Variants in FSD1 observed in about 807,000 individuals in gnomAD.
FSD1 encodes fibronectin type III and SPRY domain-containing protein 1.
FSD1 carries 23 observed loss-of-function variants against 58.2 expected under a neutral mutation model. The ratio of observed to expected loss-of-function variants is 0.40; its 90% CI spans 0.28 to 0.56. FSD1 has a LOEUF of 0.56. Among genes scored for constraint, FSD1 ranks in the 20% least tolerant of loss-of-function variants. FSD1 has a pLI of 0.54. For missense variants in FSD1, 563 were observed against 670.8 expected, an observed-to-expected ratio of 0.84 and a Z score of 1.78; for synonymous variants, 265 against 263.4, an observed-to-expected ratio of 1.01 and a Z score of -0.06.
At chr19:4,320,211 T>TG (rs1971798951) in intron 10 of FSD1, among the ~76,000 whole-genome samples, 2 of 151,798 alleles carry the variant, frequency 1.3e-5, no homozygotes, top group Admixed American at 6.6e-5. Flanking sequence ...CACGTGGAGT[T>TG]GGGGTCTGGA....
intron 10 of FSD1, among the ~76,000 whole-genome samples, chr19:4,319,926 A>C (rs1008068886): frequency 2.0e-5 from 3 of 152,128 alleles, no homozygotes; most frequent in Admixed American, 6.6e-5. Flanking sequence ...GCTGAAGCTC[A>C]TGGAATAGCT....
At chr19:4,322,864 G>T (rs1971716689) in intron 10 of FSD1, 122 bp from the exon 11 acceptor site, 2 of 1,211,180 alleles carry the variant, frequency 1.7e-6, no homozygotes, top group African/African-American at 1.5e-5. Context: ...AACCTGGGGA[G>T]TGTCTCTGCA....
intron 10 of FSD1, among the ~76,000 whole-genome samples, chr19:4,322,632 G>T (rs952229197): frequency 6.6e-6 from 1 of 151,126 alleles, no homozygotes; most frequent in Non-Finnish European, 1.5e-5. Flanking sequence ...GGGAATAGCT[G>T]GGGCCCAAGG....
In FSD1 at chr19:4,318,512, T is replaced by A; in HGVS notation, c.959+7T>A. ...CCATCAACTCCCCAGCCAGGTAGCC[T>A]GCCCCCTCCCCTCCCTAAGTCTCTG... On this transcript the variant is annotated splice_region_variant and intron_variant, in intron 9 of 12. Transcript: ENST00000221856. 6.3e-7 allele frequency: 1 copy of A among 1,589,458 alleles called. No homozygotes were observed.
chr19:4,321,979 C>T (rs372013881), intron 10 of FSD1, among the ~76,000 whole-genome samples: 18 of 137,074 alleles, frequency 1.3e-4, no homozygotes, highest in African/African-American at 4.2e-4. Context: ...GCTGGGATCC[C>T]GAGGAGTATC....
chr19:4,307,834 G>T (rs1229752076), intron 3 of FSD1, 48 bp from the exon 4 acceptor site: 1 of 1,462,176 alleles, frequency 6.8e-7, no homozygotes, highest in Middle Eastern at 1.8e-4. Flanking sequence ...CAGGGGGCCT[G>T]AGGCAGTGGG....
At chr19:4,315,265 A>G (rs139964821) in intron 7 of FSD1, among the ~76,000 whole-genome samples, 450 of 149,442 alleles carry the variant, frequency 3.0e-3, no homozygotes, top group African/African-American at 0.011. Context: ...AGCTTGGACT[A>G]CAGGCACTAT....
At chr19:4,314,565 C>T (rs1971732498) in intron 7 of FSD1, among the ~76,000 whole-genome samples, 1 of 151,706 alleles carries the variant, frequency 6.6e-6, no homozygotes, top group East Asian at 1.9e-4. Context: ...CGGCTCACCG[C>T]AACCTCCGCC....
intron 4 of FSD1, among the ~76,000 whole-genome samples, chr19:4,309,038 G>A (rs1236229867): frequency 6.6e-6 from 1 of 152,156 alleles, no homozygotes; most frequent in Non-Finnish European, 1.5e-5. Context: ...TCGCACCACT[G>A]CACTCCAGCC....
Position 4,310,584 on chromosome 19 carries a change from A to C in FSD1, c.478A>C (p.Lys160Gln), listed in dbSNP as rs1240970655. ...AGAGCGGCAGATGCTACAGGCACTC[A>C]AGTTCCTGCCTGGTGAGAGGGGCAC... is the stretch of plus-strand genomic sequence containing the variant. ...AQERQMLQAL[K>Q]FLPVPSAPVI... Residue 160 changes from lysine to glutamine, a missense_variant, in exon 6 of 13, where the codon AAG becomes CAG. Coordinates refer to ENST00000221856, the MANE Select transcript of FSD1 (RefSeq NM_024333.3). 2.2e-5 allele frequency: 35 copies of C among 1,613,218 alleles called. No individual in the cohort carries two copies. In the Admixed American group the frequency reaches 5.8e-4, roughly 27 times the overall value.
At position 4,310,514 on chromosome 19, in the gene FSD1, G is replaced by C. The variant is rs752988066; in HGVS notation, c.408G>C (p.Ala136=). ...MAPAFRLSLK[A]KVSDNMSHLM... ...CTGCCTTCCGGCTATCATTGAAAGC[G>C]AAGGTCAGTGACAACATGAGTCACC... The change falls in exon 6 of 13, where the codon GCG becomes GCC. Residue 136 remains alanine, a synonymous_variant. Coordinates refer to ENST00000221856, the MANE Select transcript of FSD1 (RefSeq NM_024333.3). The C allele has an allele frequency of 6.2e-7, 1 of 1,613,788 alleles. No homozygotes were observed. The highest frequency in any genetic ancestry group is 8.5e-7 in the Non-Finnish European group (1 of 1,179,796).
At chr19:4,320,249 A>G (rs1437367290) in intron 10 of FSD1, among the ~76,000 whole-genome samples, 1 of 151,958 alleles carries the variant, frequency 6.6e-6, no homozygotes, top group East Asian at 1.9e-4. Flanking sequence ...GAGCAAGAGG[A>G]GGGAGTCTTG....
intron 1 of FSD1, 119 bp downstream of exon 1, chr19:4,304,880 G>C (rs1455346089): frequency 6.2e-6 from 3 of 483,174 alleles, no homozygotes; most frequent in Non-Finnish European, 9.6e-6. Context: ...CTGCGGCTGA[G>C]GCCCCACCCC....
rs111452487 is a variant in FSD1 at position 4,317,048 on chromosome 19, C to T, written c.701-134C>T. On this transcript the variant is annotated intron_variant, in intron 7 of 12. Coordinates refer to ENST00000221856, the MANE Select transcript of FSD1 (RefSeq NM_024333.3). ...GATTACAGGCGTGAGCCAGTGCGCC[C>T]GGCTGGATAAGATGTTTATAAGGTG... The T allele has an allele frequency of 1.9e-4, 116 of 625,872 alleles. 3 individuals carry two copies. In the Middle Eastern group the frequency reaches 3.2e-3, roughly 17 times the overall value. 38.8% of individuals were successfully genotyped at this position (625,872 alleles called of 1,614,324 possible).
At position 4,315,021 on chromosome 19, in the gene FSD1, G is replaced by A. The variant is rs1260965483; in HGVS notation, c.701-2161G>A. ...AAAGCTGTGCAGGAGTAAGGATACC[G>A]ATGAAAGCAGCTGCCTATGTGGTCG... On this transcript the variant is annotated intron_variant, in intron 7 of 12. Transcript: ENST00000221856. Among the ~76,000 whole-genome samples the A allele has an allele frequency of 7.9e-5, 12 of 152,226 alleles. 1 individual carries two copies. The highest frequency in any genetic ancestry group is 5.9e-4 in the Admixed American group (9 of 15,270).
At chr19:4,311,385 C>G (rs775462896) in intron 6 of FSD1, 1 of 176,596 alleles carries the variant, frequency 5.7e-6, no homozygotes, top group African/African-American at 2.4e-5. Flanking sequence ...ACTGATGGAA[C>G]CTTAGCGTCT....
rs776721882 is a variant in FSD1 at position 4,323,473 on chromosome 19, T to C, written c.1380+37T>C. On this transcript the variant is annotated intron_variant, in intron 12 of 12. Coordinates refer to ENST00000221856, the MANE Select transcript of FSD1 (RefSeq NM_024333.3). This position sits in a 1 kb window ranked among gnomAD's most constrained non-coding sequence, Gnocchi z 7.7. ...TCCGCGGCCCAGGGGGAGGAGAGGG[T>C]GGTGCTGGGCGCTGGGGTTTGAAGC... 1.2e-6 allele frequency: 2 copies of C among 1,600,754 alleles called. No individual in the cohort carries two copies. Among genetic ancestry groups the C allele is most frequent in the South Asian group, 1.1e-5 (1 of 90,490 alleles).
Position 4,323,197 on chromosome 19 carries a change from C to G in FSD1, c.1251C>G (p.Pro417=), listed in dbSNP as rs562939184. 1 of 1,604,912 alleles carries G rather than the reference C, an allele frequency of 6.2e-7. No homozygotes were observed. Among genetic ancestry groups the G allele is most frequent in the South Asian group, 1.1e-5 (1 of 91,082 alleles). ...HANKVKVLDA[P]VPDCLGVHCD... is the part of the protein sequence containing the mutation. ...ACAAGGTCAAGGTGCTGGACGCCCC[C>G]GTGCCCGACTGCCTGGGTGTGCACT... Residue 417 remains proline, a synonymous_variant, in exon 11 of 13, where the codon CCC becomes CCG. Coordinates refer to ENST00000221856, the MANE Select transcript of FSD1 (RefSeq NM_024333.3). The surrounding 1 kb of genome is among the most constrained non-coding windows in gnomAD (Gnocchi z 7.7).
At chr19:4,320,715 G>A (rs1971804170) in intron 10 of FSD1, among the ~76,000 whole-genome samples, 1 of 151,772 alleles carries the variant, frequency 6.6e-6, no homozygotes, top group African/African-American at 2.4e-5. Context: ...GGGAATAGCT[G>A]CAGCCTGAGG....
Sources: gnomAD v4.1 joint callset for allele counts (sites outside exome capture counted in the v4.1 genomes callset) on GRCh38, gnomAD v4.1.1 for gene constraint, Gnocchi (gnomAD v3.1) non-coding constraint, MANE v1.5 for transcripts, NCBI Gene and HGNC (gene_info 2026-07-23, HGNC 2026-07-21) for gene names.